ADCY1: variants seen among roughly 807,000 people sequenced by gnomAD.
ADCY1 encodes adenylate cyclase 1, also known as adenylate cyclase type 1.
Under a neutral mutation model 105.4 loss-of-function variants are expected in ADCY1, and 28 were observed. That is an observed-to-expected ratio of 0.27 (90% CI 0.20 to 0.36). The LOEUF (loss-of-function observed/expected upper bound fraction) is 0.36. Among genes scored for constraint, ADCY1 ranks in the 10% least tolerant of loss-of-function variants. ADCY1 has a pLI of 1.00. For missense variants in ADCY1, 977 were observed against 1,434.2 expected, an observed-to-expected ratio of 0.68 and a Z score of 5.15; for synonymous variants, 655 against 623.8, an observed-to-expected ratio of 1.05 and a Z score of -0.75.
At chr7:45,581,646 C>T (rs180684012) in intron 1 of ADCY1, among the ~76,000 whole-genome samples, 108 of 152,274 alleles carry the variant, frequency 7.1e-4, no homozygotes, top group Non-Finnish European at 1.3e-3. Flanking sequence ...GACCACCTAT[C>T]CATGTCCACA....
Position 45,714,061 on chromosome 7 carries a change from G to A in ADCY1, c.*66G>A, listed in dbSNP as rs1005162628. On this transcript the variant is annotated 3_prime_UTR_variant, in exon 20 of 20. Transcript: ENST00000297323. ...ATGCTCCGGGGGTGACACAGGCCAC[G>A]GTGGCTCCAGCCAGGACCAGCCAGA... is the stretch of plus-strand genomic sequence containing the variant. 2 of 683,568 alleles carry A rather than the reference G, an allele frequency of 2.9e-6. No homozygotes were observed. The highest frequency in any genetic ancestry group is 2.1e-5 in the Admixed American group (1 of 48,400). The allele number at this position is 683,568 out of a possible 1,614,324, so 42.3% of individuals were successfully genotyped here.
At position 45,686,067 on chromosome 7, in the gene ADCY1, A is replaced by G. The variant is rs986174835; in HGVS notation, c.2179A>G (p.Thr727Ala). 6.2e-7 allele frequency: 1 copy of G among 1,613,884 alleles called. No individual in the cohort carries two copies. The highest frequency in any genetic ancestry group is 1.3e-5 in the African/African-American group (1 of 74,872). ...CCTGCCCACCCTGCCCTGCGAGTCT[A>G]CACACCATGCCCTGCTCTGCTGCCT... ...TALPTLPCES[T>A]HHALLCCLVG... The change falls in exon 13 of 20, where the codon ACA (threonine) becomes GCA (alanine). Residue 727 changes from threonine (T) to alanine (A), a missense_variant. Thr to Ala is a moderately conservative substitution (Grantham distance 58). Transcript: ENST00000297323. The surrounding 1 kb of genome is among the most constrained non-coding windows in gnomAD (Gnocchi z 4.3).
chr7:45,581,524 C>G (rs1050673445), intron 1 of ADCY1, among the ~76,000 whole-genome samples: 12 of 152,174 alleles, frequency 7.9e-5, no homozygotes, highest in African/African-American at 2.4e-4. Context: ...TGGAGGCTGG[C>G]ATCCCTGTGG....
chr7:45,667,007 C>A (rs1017467507), intron 8 of ADCY1, among the ~76,000 whole-genome samples: 3 of 152,146 alleles, frequency 2.0e-5, no homozygotes, highest in South Asian at 2.1e-4. Flanking sequence ...TATTTGAGTT[C>A]TTTGTAGATT....
In ADCY1 at chr7:45,582,221, C is replaced by T. The variant is rs73694807; in HGVS notation, c.639+7039C>T. On this transcript the variant is annotated intron_variant, in intron 1 of 19. Coordinates refer to ENST00000297323, the MANE Select transcript of ADCY1 (RefSeq NM_021116.4). ...ACTTCACTGTTACTAATATGTGGGT[C>T]TTTTGAGTAGATGTGCCATCCTGGT... is the stretch of plus-strand genomic sequence containing the variant. 5.4e-3 allele frequency among the ~76,000 whole-genome samples: 827 copies of T among 152,336 alleles called. 5 individuals are homozygous for T. Among genetic ancestry groups the T allele is most frequent in the African/African-American group, 0.019 (777 of 41,584 alleles).
chr7:45,706,736 CTG>C (rs1017404471), intron 17 of ADCY1, among the ~76,000 whole-genome samples: 3 of 152,020 alleles, frequency 2.0e-5, no homozygotes, highest in African/African-American at 4.8e-5. Context: ...AACTCCTACT[CTG>C]TGAAAAATAT....
intron 4 of ADCY1, among the ~76,000 whole-genome samples, chr7:45,632,937 A>G (rs551177454): frequency 6.6e-6 from 1 of 152,100 alleles, no homozygotes; most frequent in Non-Finnish European, 1.5e-5. Flanking sequence ...TTTCTTTTTT[A>G]GACGGAGTCT....
At chr7:45,579,216 A>T (rs1792445792) in intron 1 of ADCY1, among the ~76,000 whole-genome samples, 1 of 152,098 alleles carries the variant, frequency 6.6e-6, no homozygotes, top group African/African-American at 2.4e-5. Context: ...TGGTGACACC[A>T]ATCTGCCAGC....
Position 45,576,297 on chromosome 7 carries a change from A to G in ADCY1, c.639+1115A>G, listed in dbSNP as rs1792345825. On this transcript the variant is annotated intron_variant, in intron 1 of 19. Transcript: ENST00000297323. ...CCCGGCCCCGGGGGACCAGCACCCA[A>G]GGATCTAAGGAGGCATCCTTAGACT... Among the ~76,000 whole-genome samples, 4 of 152,252 alleles carry G rather than the reference A, an allele frequency of 2.6e-5. 1 individual carries two copies. The highest frequency in any genetic ancestry group is 6.8e-3 in the Middle Eastern group (2 of 294).
intron 4 of ADCY1, among the ~76,000 whole-genome samples, chr7:45,637,398 A>C: frequency 6.6e-6 from 1 of 152,162 alleles, no homozygotes; most frequent in East Asian, 1.9e-4. Context: ...TCATTTATGC[A>C]GTCTATTTCT....
chr7:45,635,618 T>G (rs1794382869), intron 4 of ADCY1, among the ~76,000 whole-genome samples: 1 of 141,428 alleles, frequency 7.1e-6, no homozygotes, highest in Admixed American at 7.0e-5. Context: ...TTTTTTTTTT[T>G]TTTTTTTTTT....
intron 18 of ADCY1, among the ~76,000 whole-genome samples, chr7:45,709,511 A>G (rs564456779): frequency 3.3e-5 from 5 of 152,312 alleles, no homozygotes; most frequent in Admixed American, 2.0e-4. Context: ...AGCTCCAGCC[A>G]TCTGGGAAGT....
At chr7:45,650,679 C>A (rs917561175) in intron 5 of ADCY1, among the ~76,000 whole-genome samples, 2 of 152,148 alleles carry the variant, frequency 1.3e-5, no homozygotes, top group Non-Finnish European at 2.9e-5. Context: ...GGTCTCCTTA[C>A]CTGGCTGTGT....
In ADCY1 at chr7:45,622,731, T is replaced by C; in HGVS notation, c.1008T>C (p.Asp336=). Reference sequence around the variant, plus strand: ...TCAATGAGCTCTTCGGCAAGTTCGATGAATTAGCCACGGTAAGTGCAGCGT... The same window carrying C: ...TCAATGAGCTCTTCGGCAAGTTCGACGAATTAGCCACGGTAAGTGCAGCGT... ...KLLNELFGKF[D]ELATENHCRR... The change falls in exon 4 of 20, where the codon GAT becomes GAC. Residue 336 remains aspartate, a synonymous_variant. Transcript: ENST00000297323. 3 of 1,610,404 alleles carry C rather than the reference T, an allele frequency of 1.9e-6. No homozygotes were observed. In the African/African-American group the frequency reaches 4.0e-5, roughly 22 times the overall value.
In ADCY1 at chr7:45,590,896, G is replaced by A. The variant is rs57310771; in HGVS notation, c.640-1863G>A. On this transcript the variant is annotated intron_variant, in intron 1 of 19. Transcript: ENST00000297323. Reference sequence around the variant, plus strand: ...TTGCCAGTGTGTGGTGTTTAACGTCGTCAGCCCCACAGGGTCAGGTGGGGG... The same window carrying A: ...TTGCCAGTGTGTGGTGTTTAACGTCATCAGCCCCACAGGGTCAGGTGGGGG... Among the ~76,000 whole-genome samples, 1,486 of 152,214 alleles carry A rather than the reference G, an allele frequency of 9.8e-3. 28 individuals carry two copies. The highest frequency in any genetic ancestry group is 0.034 in the African/African-American group (1,430 of 41,504).
intron 4 of ADCY1, among the ~76,000 whole-genome samples, chr7:45,646,291 C>T (rs1248329414): frequency 6.6e-6 from 1 of 152,170 alleles, no homozygotes; most frequent in Non-Finnish European, 1.5e-5. Flanking sequence ...TTCAGTTTTG[C>T]AGGACAGAGA....
chr7:45,679,785 C>A lies in ADCY1; in HGVS notation c.1975C>A (p.Arg659=). Residue 659 remains arginine (R), a synonymous_variant, in exon 11 of 20, where the codon CGG becomes AGG. Transcript: ENST00000297323. ...CTGTGTCCTGTACCTGCACATCACCCGGGTCCAGGTATGTGGGTGGCCTGT... is the reference window on the plus strand; with the variant it reads ...CTGTGTCCTGTACCTGCACATCACCAGGGTCCAGGTATGTGGGTGGCCTGT... ...VACVLYLHIT[R]VQCFPGCLTI... is the part of the protein sequence containing the mutation. The A allele has an allele frequency of 1.2e-6, 2 of 1,613,884 alleles. No homozygotes were observed. Among genetic ancestry groups the A allele is most frequent in the East Asian group, 4.5e-5 (2 of 44,868 alleles).
intron 14 of ADCY1, among the ~76,000 whole-genome samples, chr7:45,693,882 G>A (rs1216512839): frequency 1.5e-5 from 2 of 129,526 alleles, no homozygotes; most frequent in Admixed American, 8.3e-5. Flanking sequence ...ACCAAACACC[G>A]CATATTCTCA....
At chr7:45,670,179 C>G (rs1205115001) in intron 8 of ADCY1, among the ~76,000 whole-genome samples, 2 of 152,184 alleles carry the variant, frequency 1.3e-5, no homozygotes, top group Non-Finnish European at 2.9e-5. Context: ...GTTCTTTTGA[C>G]ATTGTAGGAG....
Sources: gnomAD v4.1 joint callset for allele counts (sites outside exome capture counted in the v4.1 genomes callset) on GRCh38, gnomAD v4.1.1 for gene constraint, Gnocchi (gnomAD v3.1) non-coding constraint, MANE v1.5 for transcripts, NCBI Gene and HGNC (gene_info 2026-07-23, HGNC 2026-07-21) for gene names.